SGCZ: variants seen among roughly 807,000 people sequenced by gnomAD.
SGCZ encodes the protein sarcoglycan zeta.
In SGCZ, 40 loss-of-function variants were observed where a neutral mutation model predicts 41.3. The ratio of observed to expected loss-of-function variants is 0.97; its 90% CI spans 0.75 to 1.26. The LOEUF is 1.26. Ranked by LOEUF, SGCZ falls within the 50% of genes most tolerant of loss-of-function variation. SGCZ has a pLI of 0.00. For synonymous variants in SGCZ, 206 were observed against 137.5 expected (o/e 1.50, Z -3.49); for missense variants, 552 against 369.8 (o/e 1.49, Z -4.04).
At chr8:14,886,902 C>G (rs551448235) in intron 1 of SGCZ, among the ~76,000 whole-genome samples, 1 of 152,046 alleles carries the variant, frequency 6.6e-6, no homozygotes, top group East Asian at 1.9e-4. Context: ...GCATAATGAC[C>G]TAGGGCAGAG....
chr8:14,951,561 G>A (rs1563386303), intron 1 of SGCZ, among the ~76,000 whole-genome samples: 1 of 151,956 alleles, frequency 6.6e-6, no homozygotes, highest in African/African-American at 2.4e-5. Context: ...ATAAAAGTGA[G>A]TTTATCAAAA....
chr8:15,032,162 C>T (rs1803696215), intron 1 of SGCZ, among the ~76,000 whole-genome samples: 1 of 152,000 alleles, frequency 6.6e-6, no homozygotes. Flanking sequence ...AGATGGTGGA[C>T]TAGGACATTC....
intron 2 of SGCZ, among the ~76,000 whole-genome samples, chr8:14,441,601 T>G (rs1025025888): frequency 1.3e-5 from 2 of 152,124 alleles, no homozygotes; most frequent in African/African-American, 4.8e-5. Flanking sequence ...AAATAAAAGA[T>G]AAAATGATCA....
intron 1 of SGCZ, among the ~76,000 whole-genome samples, chr8:14,754,000 A>C (rs1460634919): frequency 6.6e-6 from 1 of 152,192 alleles, no homozygotes; most frequent in Non-Finnish European, 1.5e-5. Flanking sequence ...CTACTGTTTC[A>C]ATTCAGGGCT....
At chr8:15,083,068 G>T (rs1474766121) in intron 1 of SGCZ, among the ~76,000 whole-genome samples, 1 of 152,070 alleles carries the variant, frequency 6.6e-6, no homozygotes, top group Non-Finnish European at 1.5e-5. Context: ...TAATAGTCGT[G>T]TTCAAATGAA....
intron 3 of SGCZ, among the ~76,000 whole-genome samples, chr8:14,264,885 C>T (rs1188513388): frequency 6.6e-6 from 1 of 152,152 alleles, no homozygotes; most frequent in Non-Finnish European, 1.5e-5. Flanking sequence ...ATGGCGTGAA[C>T]CCGGGAGGCG....
At chr8:14,185,784 A>G (rs558041785) in intron 4 of SGCZ, among the ~76,000 whole-genome samples, 1 of 152,190 alleles carries the variant, frequency 6.6e-6, no homozygotes, top group Non-Finnish European at 1.5e-5. Context: ...ACTGTGTTGT[A>G]TGTAAAAAGT....
intron 1 of SGCZ, among the ~76,000 whole-genome samples, chr8:14,959,830 G>T (rs975073942): frequency 7.9e-5 from 12 of 152,096 alleles, no homozygotes; most frequent in African/African-American, 2.9e-4. Context: ...TCACTATCTT[G>T]TTTTTAGAAA....
At chr8:14,150,403 T>C (rs2116949701) in intron 5 of SGCZ, among the ~76,000 whole-genome samples, 1 of 152,076 alleles carries the variant, frequency 6.6e-6, no homozygotes, top group African/African-American at 2.4e-5. Context: ...AACACACACA[T>C]GGCAAACAGG....
At chr8:14,440,155 G>T (rs552818934) in intron 2 of SGCZ, among the ~76,000 whole-genome samples, 7 of 151,998 alleles carry the variant, frequency 4.6e-5, no homozygotes, top group African/African-American at 1.7e-4. Context: ...AAAACTACAA[G>T]GTGTTTGTTT....
chr8:14,495,032 C>T (rs1801950818), intron 2 of SGCZ, among the ~76,000 whole-genome samples: 1 of 152,090 alleles, frequency 6.6e-6, no homozygotes, highest in African/African-American at 2.4e-5. Context: ...TCTGGAGCTC[C>T]CATTCTGAAC....
At chr8:14,487,441 C>G (rs945967982) in intron 2 of SGCZ, among the ~76,000 whole-genome samples, 3 of 152,176 alleles carry the variant, frequency 2.0e-5, no homozygotes, top group African/African-American at 7.2e-5. Flanking sequence ...AACATTGCCT[C>G]TCTTACTTTA....
intron 1 of SGCZ, among the ~76,000 whole-genome samples, chr8:14,582,178 T>G (rs1175824289): frequency 6.6e-6 from 1 of 152,156 alleles, no homozygotes. Flanking sequence ...TATATATGTA[T>G]AACCTACAAA....
intron 2 of SGCZ, among the ~76,000 whole-genome samples, chr8:14,431,354 G>C (rs1388377891): frequency 6.6e-6 from 1 of 152,128 alleles, no homozygotes; most frequent in Non-Finnish European, 1.5e-5. Flanking sequence ...ATAGACCAAA[G>C]GAACAGAATG....
intron 3 of SGCZ, chr8:14,309,489 G>C (rs567942437): frequency 1.9e-6 from 3 of 1,608,132 alleles, no homozygotes; most frequent in Admixed American, 1.7e-5. Context: ...GTTAATGTTA[G>C]AGCTAATTGT....
chr8:14,477,256 G>C (rs1168677818), intron 2 of SGCZ, among the ~76,000 whole-genome samples: 1 of 152,018 alleles, frequency 6.6e-6, no homozygotes, highest in Non-Finnish European at 1.5e-5. Flanking sequence ...ATAAGGAGAA[G>C]GCTGTTGGCA....
intron 1 of SGCZ, among the ~76,000 whole-genome samples, chr8:14,661,186 C>T (rs890794453): frequency 4.6e-5 from 7 of 151,954 alleles, no homozygotes; most frequent in South Asian, 2.1e-4. Flanking sequence ...TTGTGCCCCC[C>T]GATGGACAAT....
chr8:14,852,330 TTGTAAA>T (rs1803359109), intron 1 of SGCZ, among the ~76,000 whole-genome samples: 3 of 152,194 alleles, frequency 2.0e-5, no homozygotes, highest in Non-Finnish European at 4.4e-5. Context: ...TCATAATACT[TTGTAAA>T]TAATTTATAG....
intron 5 of SGCZ, among the ~76,000 whole-genome samples, chr8:14,139,201 G>A (rs1803291817): frequency 6.6e-6 from 1 of 152,136 alleles, no homozygotes; most frequent in Non-Finnish European, 1.5e-5. Context: ...GCAGTGTGTA[G>A]AGGGAAATTT....
Sources: gnomAD v4.1 joint callset for allele counts (sites outside exome capture counted in the v4.1 genomes callset) on GRCh38, gnomAD v4.1.1 for gene constraint, MANE v1.5 for transcripts, NCBI Gene and HGNC (gene_info 2026-07-23, HGNC 2026-07-21) for gene names.